SEC63: variants seen among roughly 807,000 people sequenced by gnomAD.
SEC63 encodes the protein SEC63 protein translocation regulator.
Under a neutral mutation model 116.2 loss-of-function variants are expected in SEC63, and 56 were observed. The observed-to-expected ratio is 0.48, with a 90% CI of 0.39 to 0.60. The LOEUF is 0.60. Ranked by LOEUF, SEC63 falls within the 20% of genes least tolerant of loss-of-function variation. The pLI is 0.00. For synonymous variants in SEC63, 273 were observed against 294.6 expected, an observed-to-expected ratio of 0.93 and a Z score of 0.75; for missense variants, 668 against 900.0, an observed-to-expected ratio of 0.74 and a Z score of 3.30.
intron 1 of SEC63, among the ~76,000 whole-genome samples, chr6:107,930,729 T>TCA (rs992870453): frequency 2.6e-5 from 4 of 151,938 alleles, no homozygotes; most frequent in Non-Finnish European, 5.9e-5. Context: ...GCACCGTGGC[T>TCA]CACCTCTATA....
At position 107,938,243 on chromosome 6, in the gene SEC63, G is replaced by A. The variant is rs571260511; in HGVS notation, c.125-8729C>T. ...AATTTAATATATTTCATCCTGGTGAGTTAATTTTTTTTTTTTTTTTTTGAG... is the reference window on the plus strand; with the variant it reads ...AATTTAATATATTTCATCCTGGTGAATTAATTTTTTTTTTTTTTTTTTGAG... On this transcript the variant is annotated intron_variant, in intron 1 of 20. Coordinates refer to ENST00000369002, the MANE Select transcript of SEC63 (RefSeq NM_007214.5). Among the ~76,000 whole-genome samples the A allele has an allele frequency of 3.4e-5, 3 of 87,090 alleles. No individual in the cohort carries two copies. In the East Asian group the frequency reaches 9.7e-4, roughly 28 times the overall value. 57.1% of individuals were successfully genotyped at this position (87,090 alleles called of 152,430 possible).
chr6:107,882,308 G>A (rs1012422813), intron 17 of SEC63, among the ~76,000 whole-genome samples: 9 of 151,990 alleles, frequency 5.9e-5, no homozygotes, highest in South Asian at 2.1e-4. Context: ...AAAGAACAAC[G>A]CTAACAAACC....
intron 16 of SEC63, among the ~76,000 whole-genome samples, chr6:107,886,778 TTA>T (rs1786538225): frequency 6.6e-6 from 1 of 152,252 alleles, no homozygotes; most frequent in African/African-American, 2.4e-5. Flanking sequence ...GATGGATAGA[TTA>T]TAAAAACTTT....
intron 8 of SEC63, among the ~76,000 whole-genome samples, chr6:107,908,350 A>C (rs1787198541): frequency 6.6e-6 from 1 of 151,912 alleles, no homozygotes; most frequent in African/African-American, 2.4e-5. Context: ...TTTTTCTTAA[A>C]TTTTTAAATA....
At chr6:107,936,743 T>C (rs565378455) in intron 1 of SEC63, among the ~76,000 whole-genome samples, 20 of 152,360 alleles carry the variant, frequency 1.3e-4, no homozygotes, top group African/African-American at 4.8e-4. Context: ...CCATGCTGCA[T>C]GATCTGCCAG....
intron 4 of SEC63, among the ~76,000 whole-genome samples, chr6:107,915,898 C>A (rs1327175876): frequency 6.6e-6 from 1 of 152,118 alleles, no homozygotes; most frequent in Non-Finnish European, 1.5e-5. Flanking sequence ...GTCCCACGAT[C>A]ACTTCACTTT....
rs1787280213 is a variant in SEC63, at chr6:107,911,385, T to C, written c.585A>G (p.Val195=). The C allele has an allele frequency of 1.9e-6, 3 of 1,606,534 alleles. No individual in the cohort carries two copies. Among genetic ancestry groups the C allele is most frequent in the Non-Finnish European group, 2.6e-6 (3 of 1,173,546 alleles). The change falls in exon 7 of 21, where the codon GTA becomes GTG. Residue 195 remains valine, a synonymous_variant. Transcript: ENST00000369002. Reference sequence around the variant, plus strand: ...GGATAACCATAAATGCCAATCCATATACAAGTAAAACCTAAAATTGAAGAG... The same window carrying C: ...GGATAACCATAAATGCCAATCCATACACAAGTAAAACCTAAAATTGAAGAG... ...DQKNSILVLL[V]YGLAFMVILP...
intron 16 of SEC63, among the ~76,000 whole-genome samples, chr6:107,891,483 G>A (rs1459195174): frequency 6.6e-6 from 1 of 151,908 alleles, no homozygotes; most frequent in Non-Finnish European, 1.5e-5. Flanking sequence ...AAGGTTCTTA[G>A]CTTCCTTGCA....
intron 1 of SEC63, among the ~76,000 whole-genome samples, chr6:107,935,753 C>A (rs1163736311): frequency 6.6e-6 from 1 of 151,294 alleles, no homozygotes; most frequent in African/African-American, 2.4e-5. Flanking sequence ...CCTGCCAACT[C>A]CCCCTCTGCG....
chr6:107,908,196 CTTTTA>C (rs906025462), intron 8 of SEC63, among the ~76,000 whole-genome samples: 2 of 151,904 alleles, frequency 1.3e-5, no homozygotes, highest in African/African-American at 4.8e-5. Flanking sequence ...AACTTACATT[CTTTTA>C]TTTTATTTTT....
chr6:107,916,449 G>A (rs1359512347), intron 4 of SEC63, among the ~76,000 whole-genome samples: 1 of 152,326 alleles, frequency 6.6e-6, no homozygotes, highest in South Asian at 2.1e-4. Context: ...CCTCTACTAA[G>A]TACAAAAATA....
Position 107,958,121 on chromosome 6 carries a change from GCCT to G in SEC63, c.-115_-113del, listed in dbSNP as rs1474706958. On this transcript the variant is annotated 5_prime_UTR_variant, in exon 1 of 21. Coordinates refer to ENST00000369002, the MANE Select transcript of SEC63 (RefSeq NM_007214.5). ...GCGTAGCTTGGACACTGCCGCCGCCGCCTCTCCTCCCCGCCCCCACGCCACTCT... is the reference window on the plus strand; with the variant it reads ...GCGTAGCTTGGACACTGCCGCCGCCGCTCCTCCCCGCCCCCACGCCACTCT... 2.0e-6 allele frequency: 3 copies of G among 1,506,650 alleles called. No individual in the cohort carries two copies. The highest frequency in any genetic ancestry group is 2.7e-6 in the Non-Finnish European group (3 of 1,103,504). 93.3% of individuals were successfully genotyped at this position (1,506,650 alleles called of 1,614,324 possible). A position where few individuals can be genotyped will look rare whatever the true frequency, so the allele number is the denominator to read the frequency against.
At chr6:107,912,623 T>C in intron 6 of SEC63, 93 bp downstream of exon 6, 1 of 768,806 alleles carries the variant, frequency 1.3e-6, no homozygotes. Flanking sequence ...AGTATTTTCT[T>C]TGTAATAGTT....
intron 1 of SEC63, among the ~76,000 whole-genome samples, chr6:107,947,889 A>C (rs1770508247): frequency 6.6e-6 from 1 of 152,076 alleles, no homozygotes; most frequent in Non-Finnish European, 1.5e-5. Flanking sequence ...TCCACACAAT[A>C]TTCCACAAAA....
chr6:107,872,903 T>C lies in SEC63; in HGVS notation c.2044A>G (p.Lys682Glu). 1 of 1,546,072 alleles carries C rather than the reference T, an allele frequency of 6.5e-7. No homozygotes were observed. Among genetic ancestry groups the C allele is most frequent in the East Asian group, 2.5e-5 (1 of 40,788 alleles). ...CCAGGCTTGCCTGGTGCAGGAAACT[T>C]CAGCTCTACCTAGAAGATAAAATCA... is the stretch of plus-strand genomic sequence containing the variant. The part of the protein sequence containing the change: ...TLKDTEEVEL[K>E]FPAPGKPGNY... Residue 682 changes from lysine (K) to glutamate (E), a missense_variant, in exon 20 of 21, where the codon AAG becomes GAG. Lys to Glu is a moderately conservative substitution (Grantham distance 56). Transcript: ENST00000369002.
At chr6:107,877,430 T>C (rs1001918170) in intron 18 of SEC63, 1 of 152,066 alleles carries the variant, frequency 6.6e-6, no homozygotes, top group Non-Finnish European at 1.5e-5. Flanking sequence ...TGAGAAAACG[T>C]GGGTTTTTTT....
chr6:107,878,862 A>T (rs1412030552), intron 18 of SEC63, among the ~76,000 whole-genome samples: 1 of 152,230 alleles, frequency 6.6e-6, no homozygotes, highest in Admixed American at 6.5e-5. Context: ...GCTCAAAAAA[A>T]AAAAAGAATA....
chr6:107,888,182 G>A (rs1786582528), intron 16 of SEC63, among the ~76,000 whole-genome samples: 1 of 152,126 alleles, frequency 6.6e-6, no homozygotes, highest in South Asian at 2.1e-4. Context: ...ATTACTTTGG[G>A]GAGTGTGGCC....
At chr6:107,913,547 C>A in intron 4 of SEC63, 120 bp from the exon 5 acceptor site, 2 of 776,256 alleles carry the variant, frequency 2.6e-6, no homozygotes, top group Non-Finnish European at 4.6e-6. Context: ...TTCCATGAAT[C>A]AAGAAAAGTT....
Sources: gnomAD v4.1 joint callset for allele counts (sites outside exome capture counted in the v4.1 genomes callset) on GRCh38, gnomAD v4.1.1 for gene constraint, MANE v1.5 for transcripts, NCBI Gene and HGNC (gene_info 2026-07-23, HGNC 2026-07-21) for gene names.